The following HDAC4 variants were observed in gnomAD, a reference collection of about 807,000 sequenced individuals.
HDAC4 encodes the protein histone deacetylase 4, also known as histone deacetylase A.
In HDAC4, 16 loss-of-function variants were observed where a neutral mutation model predicts 135.1. The observed-to-expected ratio is 0.12, with a 90% CI of 0.08 to 0.18. The LOEUF (loss-of-function observed/expected upper bound fraction) is 0.18, where lower values mean the gene tolerates loss of function less well. Among genes scored for constraint, HDAC4 ranks in the 10% least tolerant of loss-of-function variants. The pLI, the probability that HDAC4 is intolerant of heterozygous loss-of-function variation, is 1.00. For missense variants in HDAC4, 1,143 were observed against 1,511.8 expected (o/e 0.76, Z 4.05); for synonymous variants, 685 against 653.4 (o/e 1.05, Z -0.74).
chr2:239,346,543 AC>A (rs1692688290), intron 2 of HDAC4, among the ~76,000 whole-genome samples: 1 of 126,524 alleles, frequency 7.9e-6, no homozygotes, highest in Admixed American at 8.4e-5. Context: ...CCTAAAACAC[AC>A]AAACACACCT....
intron 12 of HDAC4, among the ~76,000 whole-genome samples, chr2:239,123,479 G>C (rs905655472): frequency 1.3e-5 from 2 of 152,246 alleles, no homozygotes; most frequent in Non-Finnish European, 2.9e-5. Flanking sequence ...CATCTGGTCT[G>C]ACGTGGCTGC....
intron 1 of HDAC4, among the ~76,000 whole-genome samples, chr2:239,360,778 T>C (rs1693814386): frequency 6.6e-6 from 1 of 152,190 alleles, no homozygotes; most frequent in South Asian, 2.1e-4. Context: ...ACTAGCCCAG[T>C]GTGTTCTCTC....
rs777104141 is a variant in HDAC4, at chr2:239,165,453, C to G, written c.491-1530G>C. On this transcript the variant is annotated intron_variant, in intron 5 of 26. Transcript: ENST00000543185. ...TTGGCTTATGTGTTCTTAGAATCTT[C>G]CGGCGATGTGCACAGTGGTGTTGTG... Among the ~76,000 whole-genome samples the G allele has an allele frequency of 7.2e-5, 11 of 152,112 alleles. 1 individual carries two copies. Among genetic ancestry groups the G allele is most frequent in the Admixed American group, 7.2e-4 (11 of 15,286 alleles).
At chr2:239,264,754 C>T (rs2049611293) in intron 2 of HDAC4, among the ~76,000 whole-genome samples, 1 of 152,228 alleles carries the variant, frequency 6.6e-6, no homozygotes, top group South Asian at 2.1e-4. Context: ...CTTCTGAAAG[C>T]CATGCCTTGC....
At chr2:239,295,175 C>T (rs1026716984) in intron 2 of HDAC4, among the ~76,000 whole-genome samples, 1 of 149,978 alleles carries the variant, frequency 6.7e-6, no homozygotes, top group Admixed American at 6.6e-5. Context: ...GGCGTAGTGG[C>T]GGGCGCCTGT....
intron 17 of HDAC4, chr2:239,094,229 G>A (rs1418590924): frequency 5.1e-6 from 5 of 985,308 alleles, no homozygotes; most frequent in East Asian, 2.3e-4. Context: ...TCTCATGGCC[G>A]CCCTCGCTAT....
chr2:239,386,001 A>C (rs969410858), intron 1 of HDAC4, among the ~76,000 whole-genome samples: 7 of 152,218 alleles, frequency 4.6e-5, no homozygotes, highest in Non-Finnish European at 1.0e-4. Context: ...GCCAGACCCA[A>C]GGATGAGGGA....
At chr2:239,319,986 T>C (rs1399560471) in intron 2 of HDAC4, among the ~76,000 whole-genome samples, 1 of 152,056 alleles carries the variant, frequency 6.6e-6, no homozygotes, top group Non-Finnish European at 1.5e-5. Flanking sequence ...TGCTATTGTA[T>C]TGCTTTAAAT....
At chr2:239,097,987 T>G (rs1202970226) in intron 16 of HDAC4, among the ~76,000 whole-genome samples, 1 of 152,220 alleles carries the variant, frequency 6.6e-6, no homozygotes, top group African/African-American at 2.4e-5. Flanking sequence ...CTCAGCTATA[T>G]GAATTCACAG....
At chr2:239,201,693 C>G (rs1050901122) in intron 3 of HDAC4, among the ~76,000 whole-genome samples, 8 of 152,100 alleles carry the variant, frequency 5.3e-5, no homozygotes, top group African/African-American at 7.2e-5. Context: ...AAACAGGTGA[C>G]GAGAGGGGAA....
chr2:239,062,005 G>A (rs935513310), intron 24 of HDAC4, among the ~76,000 whole-genome samples: 21 of 152,264 alleles, frequency 1.4e-4, no homozygotes, highest in African/African-American at 9.6e-5. Flanking sequence ...AGATCCCCGT[G>A]GCCGTCTGGT....
chr2:239,051,894 A>AT lies in HDAC4; in HGVS notation c.*1202dup, dbSNP rs2030909111. On this transcript the variant is annotated 3_prime_UTR_variant, in exon 27 of 27. Coordinates refer to ENST00000543185, the MANE Select transcript of HDAC4 (RefSeq NM_001378414.1). Reference sequence around the variant, plus strand: ...TCTATAAATGCATTATAAATATTTTATCAAGATTTCATAAGAATCAAGTAA... The same window carrying AT: ...TCTATAAATGCATTATAAATATTTTATTCAAGATTTCATAAGAATCAAGTAA... The AT allele has an allele frequency of 6.6e-6, 1 of 151,444 alleles. No homozygotes were observed. Among genetic ancestry groups the AT allele is most frequent in the Admixed American group, 6.6e-5 (1 of 15,192 alleles). The allele number at this position is 151,444 out of a possible 1,614,324, so 9.4% of individuals were successfully genotyped here. A position where few individuals can be genotyped will look rare whatever the true frequency, so the allele number is the denominator to read the frequency against.
At position 239,384,461 on chromosome 2, in the gene HDAC4, A is replaced by T. The variant is rs897068724; in HGVS notation, c.-220+16517T>A. Among the ~76,000 whole-genome samples the T allele has an allele frequency of 3.3e-5, 5 of 151,586 alleles. No individual in the cohort carries two copies. In the East Asian group the frequency reaches 9.7e-4, roughly 29 times the overall value. ...AGACCCCTGTCTCTACAAAAAAAAA[A>T]AAAAAAAAAGCCAGATGTGGTGGTG... is the stretch of plus-strand genomic sequence containing the variant. On this transcript the variant is annotated intron_variant, in intron 1 of 26. Transcript: ENST00000543185.
chr2:239,288,143 G>A (rs1412031661), intron 2 of HDAC4, among the ~76,000 whole-genome samples: 4 of 151,568 alleles, frequency 2.6e-5, no homozygotes, highest in African/African-American at 9.7e-5. Flanking sequence ...ATCCTGAAGC[G>A]CTAGCAAAGT....
intron 2 of HDAC4, among the ~76,000 whole-genome samples, chr2:239,327,224 G>A (rs4851972): frequency 0.18 from 26,739 of 152,204 alleles, 2,617 homozygotes; most frequent in East Asian, 0.32. Context: ...GAGCCTAGCC[G>A]TACCCACCTG....
At chr2:239,351,216 T>C (rs1261735983) in intron 2 of HDAC4, among the ~76,000 whole-genome samples, 1 of 152,230 alleles carries the variant, frequency 6.6e-6, no homozygotes, top group East Asian at 1.9e-4. Context: ...ACAAAATATA[T>C]GTATAATAAT....
At chr2:239,305,964 T>C (rs1273513056) in intron 2 of HDAC4, among the ~76,000 whole-genome samples, 2 of 152,142 alleles carry the variant, frequency 1.3e-5, no homozygotes, top group African/African-American at 4.8e-5. Context: ...CCACCGGCAT[T>C]TCAGATGAAT....
chr2:239,166,364 T>C (rs1402632622), intron 5 of HDAC4, among the ~76,000 whole-genome samples: 1 of 152,126 alleles, frequency 6.6e-6, no homozygotes, highest in African/African-American at 2.4e-5. Flanking sequence ...GGGCTCTCTG[T>C]CGGTCTGAGA....
chr2:239,102,630 G>A (rs1249158735), intron 16 of HDAC4, 146 bp downstream of exon 16: 1 of 846,250 alleles, frequency 1.2e-6, no homozygotes, highest in African/African-American at 1.7e-5. Context: ...GTGAACAGAG[G>A]GTGAAAGGTT....
Sources: allele counts gnomAD v4.1 joint callset (sites outside exome capture counted in the v4.1 genomes callset), GRCh38; gene constraint gnomAD v4.1.1; transcripts MANE v1.5; gene names NCBI Gene and HGNC (gene_info 2026-07-23, HGNC 2026-07-21).